The following PTPRD variants were observed in gnomAD, a reference collection of about 807,000 sequenced individuals.
PTPRD encodes the protein protein tyrosine phosphatase receptor type D, also known as receptor-type tyrosine-protein phosphatase delta.
A neutral mutation model predicts 214.5 loss-of-function variants in PTPRD; 34 were observed. That is an observed-to-expected ratio of 0.16 (90% CI 0.12 to 0.21). The LOEUF is 0.21. Among genes scored for constraint, PTPRD ranks in the 10% least tolerant of loss-of-function variants. PTPRD has a pLI of 1.00. For missense variants in PTPRD, 2,545 were observed against 2,398.7 expected, an observed-to-expected ratio of 1.06 and a Z score of -1.27; for synonymous variants, 1,128 against 845.7, an observed-to-expected ratio of 1.33 and a Z score of -5.79.
intron 8 of PTPRD, among the ~76,000 whole-genome samples, chr9:9,434,498 T>A (rs1433676445): frequency 1.3e-5 from 2 of 152,126 alleles, no homozygotes; most frequent in Non-Finnish European, 2.9e-5. Flanking sequence ...AATACCAACT[T>A]CTTCACAGAA....
chr9:10,426,205 G>C (rs1410683988), intron 2 of PTPRD, among the ~76,000 whole-genome samples: 3 of 151,778 alleles, frequency 2.0e-5, no homozygotes, highest in African/African-American at 7.3e-5. Flanking sequence ...AGCAACTCTT[G>C]CTTTTTAAAA....
At chr9:9,398,401 A>C (rs1019508559) in intron 8 of PTPRD, among the ~76,000 whole-genome samples, 7 of 152,038 alleles carry the variant, frequency 4.6e-5, no homozygotes, top group African/African-American at 1.7e-4. Context: ...TATGCCTCTG[A>C]AATAGGAGAT....
chr9:10,514,675 TA>T (rs2049412705), intron 2 of PTPRD, among the ~76,000 whole-genome samples: 2 of 152,002 alleles, frequency 1.3e-5, no homozygotes, highest in African/African-American at 4.8e-5. Context: ...AATTTAAAGT[TA>T]AAAAAGGAAT....
At chr9:8,376,794 T>C in intron 37 of PTPRD, 68 bp from the exon 38 acceptor site, 1 of 1,594,622 alleles carries the variant, frequency 6.3e-7, no homozygotes, top group East Asian at 2.2e-5. Context: ...TGCTTTGAGT[T>C]GCTGTTGAAG....
chr9:9,518,623 G>A (rs965428608), intron 8 of PTPRD, among the ~76,000 whole-genome samples: 5 of 151,890 alleles, frequency 3.3e-5, no homozygotes, highest in African/African-American at 1.2e-4. Flanking sequence ...CAAAAACCTG[G>A]GACCCGAAAG....
At chr9:10,040,791 A>T (rs1353467794) in intron 3 of PTPRD, among the ~76,000 whole-genome samples, 2 of 152,032 alleles carry the variant, frequency 1.3e-5, no homozygotes, top group African/African-American at 4.8e-5. Flanking sequence ...GATAAACCTC[A>T]CTTTTAAAGG....
intron 7 of PTPRD, among the ~76,000 whole-genome samples, chr9:9,689,305 A>C (rs889620024): frequency 1.3e-5 from 2 of 151,908 alleles, no homozygotes; most frequent in African/African-American, 4.8e-5. Context: ...GTGTTATGTT[A>C]ATCATTCCAG....
chr9:8,615,096 A>G, intron 14 of PTPRD, among the ~76,000 whole-genome samples: 1 of 152,122 alleles, frequency 6.6e-6, no homozygotes, highest in South Asian at 2.1e-4. Context: ...CTTTACCAGA[A>G]TGACATTTTA....
At chr9:9,282,423 A>AG (rs993529145) in intron 9 of PTPRD, among the ~76,000 whole-genome samples, 2 of 151,388 alleles carry the variant, frequency 1.3e-5, no homozygotes, top group African/African-American at 4.8e-5. Context: ...GATGACTGAA[A>AG]TGAAATAAAC....
At chr9:8,400,977 A>T (rs1015484633) in intron 36 of PTPRD, among the ~76,000 whole-genome samples, 3 of 152,180 alleles carry the variant, frequency 2.0e-5, no homozygotes, top group Non-Finnish European at 4.4e-5. Context: ...ACCCAACCTC[A>T]GATTTCCTTG....
chr9:10,580,403 T>A (rs1591391769), intron 2 of PTPRD, among the ~76,000 whole-genome samples: 1 of 152,208 alleles, frequency 6.6e-6, no homozygotes, highest in South Asian at 2.1e-4. Context: ...ATGTAAAGTA[T>A]AAGTCTATGT....
intron 10 of PTPRD, among the ~76,000 whole-genome samples, chr9:9,125,721 G>A (rs1183587951): frequency 6.6e-6 from 1 of 152,072 alleles, no homozygotes; most frequent in Non-Finnish European, 1.5e-5. Flanking sequence ...TCAAGCACTA[G>A]GTACAATTAT....
intron 18 of PTPRD, among the ~76,000 whole-genome samples, chr9:8,524,337 C>T (rs919616068): frequency 1.3e-5 from 2 of 152,100 alleles, no homozygotes; most frequent in Non-Finnish European, 2.9e-5. Context: ...AAAAGGTGTA[C>T]ATATGTGCAC....
intron 10 of PTPRD, among the ~76,000 whole-genome samples, chr9:9,037,266 G>C (rs1377433518): frequency 6.6e-6 from 1 of 151,994 alleles, no homozygotes; most frequent in Admixed American, 6.6e-5. Flanking sequence ...TGAAGCTCAG[G>C]GAGGTTCCCT....
chr9:9,144,626 G>A (rs1425191876), intron 10 of PTPRD, among the ~76,000 whole-genome samples: 4 of 151,888 alleles, frequency 2.6e-5, no homozygotes, highest in African/African-American at 4.8e-5. Context: ...GGTGGCACGC[G>A]CCTGTAATCC....
chr9:10,429,304 A>G (rs2098654983), intron 2 of PTPRD, among the ~76,000 whole-genome samples: 2 of 152,012 alleles, frequency 1.3e-5, no homozygotes, highest in Admixed American at 6.6e-5. Context: ...AAATAGAACT[A>G]CCATTTAACC....
At chr9:8,667,009 C>T (rs991129251) in intron 12 of PTPRD, among the ~76,000 whole-genome samples, 4 of 152,048 alleles carry the variant, frequency 2.6e-5, no homozygotes, top group African/African-American at 9.7e-5. Flanking sequence ...TATAATTATA[C>T]ACAAAAATAA....
In PTPRD at chr9:9,956,779, G is replaced by C. The variant is rs530782296; in HGVS notation, c.-471-18169C>G. On this transcript the variant is annotated intron_variant, in intron 4 of 45. Transcript: ENST00000381196. ...GCATTAATAAATCACAAGTTAGAGA[G>C]CAATGAGATTTTGTTTTCTAGCACT... Among the ~76,000 whole-genome samples the C allele has an allele frequency of 2.4e-4, 36 of 152,174 alleles. 1 individual carries two copies. In the South Asian group the frequency reaches 7.1e-3, roughly 30 times the overall value.
At chr9:8,873,569 G>C (rs2098338491) in intron 11 of PTPRD, among the ~76,000 whole-genome samples, 1 of 152,146 alleles carries the variant, frequency 6.6e-6, no homozygotes, top group East Asian at 1.9e-4. Flanking sequence ...TTTTGAATGA[G>C]TGCTAAATAA....
Sources: gnomAD v4.1 joint callset for allele counts (sites outside exome capture counted in the v4.1 genomes callset) on GRCh38, gnomAD v4.1.1 for gene constraint, MANE v1.5 for transcripts, NCBI Gene and HGNC (gene_info 2026-07-23, HGNC 2026-07-21) for gene names.